Variants in OXR1 observed in about 807,000 individuals in gnomAD.
OXR1 encodes oxidation resistance 1, also known as oxidation resistance protein 1.
In OXR1, 41 loss-of-function variants were observed where a neutral mutation model predicts 104.6. The observed-to-expected ratio is 0.39, with a 90% CI of 0.31 to 0.51. The LOEUF (loss-of-function observed/expected upper bound fraction) is 0.51. Ranked by LOEUF, OXR1 falls within the 20% of genes least tolerant of loss-of-function variation. The probability of loss-of-function intolerance (pLI) is 0.77; values close to 1 mark genes in which losing one functional copy is unlikely to be tolerated. For missense variants in OXR1, 955 were observed against 1,031.9 expected (o/e 0.93, Z 1.02); for synonymous variants, 348 against 348.4 (o/e 1.00, Z 0.01).
In OXR1 at chr8:106,482,698, A is replaced by G. The variant is rs534812944; in HGVS notation, c.24-36245A>G. ...GAGCATCAGATATCCATAGACTTAA[A>G]TAACAGACAAAATACATCTCCTTCA... On this transcript the variant is annotated intron_variant, in intron 2 of 16. Coordinates refer to ENST00000517566, the MANE Select transcript of OXR1 (RefSeq NM_001198533.2). Among the ~76,000 whole-genome samples, 11 of 152,192 alleles carry G rather than the reference A, an allele frequency of 7.2e-5. No individual in the cohort carries two copies. In the South Asian group the frequency reaches 1.9e-3, roughly 26 times the overall value.
intron 2 of OXR1, among the ~76,000 whole-genome samples, chr8:106,417,478 G>A (rs541035292): frequency 1.7e-4 from 26 of 152,234 alleles, no homozygotes; most frequent in African/African-American, 6.0e-4. Flanking sequence ...GTGAGTTTGA[G>A]GAGATTCATT....
intron 2 of OXR1, among the ~76,000 whole-genome samples, chr8:106,505,809 A>G (rs1323007927): frequency 6.6e-6 from 1 of 152,220 alleles, no homozygotes; most frequent in African/African-American, 2.4e-5. Flanking sequence ...GGCACTATGG[A>G]CCATTGAAAG....
At chr8:106,429,717 T>C (rs569021028) in intron 2 of OXR1, among the ~76,000 whole-genome samples, 1 of 151,978 alleles carries the variant, frequency 6.6e-6, no homozygotes, top group South Asian at 2.1e-4. Flanking sequence ...GATATAAGAA[T>C]TCTCCCAGTT....
At chr8:106,475,454 C>A (rs1223011747) in intron 2 of OXR1, among the ~76,000 whole-genome samples, 1 of 151,674 alleles carries the variant, frequency 6.6e-6, no homozygotes, top group African/African-American at 2.4e-5. Flanking sequence ...CTGTCTCATG[C>A]GTGGCAGAGG....
chr8:106,282,548 A>C (rs950113075), intron 1 of OXR1, among the ~76,000 whole-genome samples: 1 of 152,196 alleles, frequency 6.6e-6, no homozygotes, highest in African/African-American at 2.4e-5. Flanking sequence ...TACCAATAAC[A>C]TGGCTATTGT....
intron 1 of OXR1, among the ~76,000 whole-genome samples, chr8:106,285,370 A>AT (rs1431075969): frequency 9.9e-5 from 15 of 152,194 alleles, no homozygotes; most frequent in Non-Finnish European, 1.5e-5. Context: ...GCTCTGCCTC[A>AT]TTTTTAGTGT....
intron 2 of OXR1, among the ~76,000 whole-genome samples, chr8:106,514,590 G>T (rs1322198133): frequency 1.3e-5 from 2 of 152,080 alleles, no homozygotes; most frequent in African/African-American, 4.8e-5. Context: ...CTGGAGCTCA[G>T]TGCCACGTCC....
Position 106,742,310 on chromosome 8 carries a change from A to C in OXR1, c.2405A>C (p.Glu802Ala), listed in dbSNP as rs1834987063. The C allele has an allele frequency of 3.1e-6, 5 of 1,591,774 alleles. No individual in the cohort carries two copies. The highest frequency in any genetic ancestry group is 3.4e-6 in the Non-Finnish European group (4 of 1,160,934). The stretch of plus-strand genomic sequence containing the variant: ...ACCTTTGTTTTTACATTCTGTCCGG[A>C]GTTTGAGGTAAGAACCACTATTTCA... ...GETFVFTFCP[E>A]FEVFKWTGDN... is the part of the protein sequence containing the mutation. Residue 802 changes from glutamate to alanine, a missense_variant, in exon 15 of 17, where the codon GAG becomes GCG. Glu to Ala is a moderately radical substitution (Grantham distance 107). This residue lies in a region of OXR1 where 106 missense variants were observed against 179.0 expected (regional missense o/e 0.59). Coordinates refer to ENST00000517566, the MANE Select transcript of OXR1 (RefSeq NM_001198533.2).
chr8:106,669,602 T>C (rs1472359071), intron 3 of OXR1, among the ~76,000 whole-genome samples: 1 of 152,180 alleles, frequency 6.6e-6, no homozygotes, highest in Non-Finnish European at 1.5e-5. Context: ...GTTTGAAGTT[T>C]TAGTATCTAT....
chr8:106,496,976 A>G (rs1670397), intron 2 of OXR1, among the ~76,000 whole-genome samples: 27,007 of 152,096 alleles, frequency 0.18, 2,905 homozygotes, highest in African/African-American at 0.29. Flanking sequence ...CTTTAGAGAT[A>G]CTTAAGATCC....
intron 9 of OXR1, chr8:106,707,445 TA>T (rs1167026771): frequency 5.5e-6 from 3 of 548,756 alleles, no homozygotes; most frequent in Non-Finnish European, 9.5e-6. Context: ...AAAAGCTGTA[TA>T]ATACCTTTGA....
rs559011036 is a variant in OXR1 at position 106,715,141 on chromosome 8, A to G, written c.1956+1156A>G. ...TTCCAAATAACAATAAAAAAGATCTACTGGTACAGGCAATGACATGGATGA... is the reference window on the plus strand; with the variant it reads ...TTCCAAATAACAATAAAAAAGATCTGCTGGTACAGGCAATGACATGGATGA... On this transcript the variant is annotated intron_variant, in intron 11 of 16. Coordinates refer to ENST00000517566, the MANE Select transcript of OXR1 (RefSeq NM_001198533.2). 5.9e-5 allele frequency among the ~76,000 whole-genome samples: 9 copies of G among 152,246 alleles called. No homozygotes were observed. The South Asian group carries it at 1.7e-3, about 28-fold the overall frequency.
chr8:106,331,935 C>CAA (rs3073753), intron 1 of OXR1, among the ~76,000 whole-genome samples: 43,908 of 139,180 alleles, frequency 0.32, 8,787 homozygotes, highest in African/African-American at 0.58. Context: ...GACTCTGTCT[C>CAA]AAAAAAAAAA....
At chr8:106,471,889 A>C (rs1821510110) in intron 2 of OXR1, among the ~76,000 whole-genome samples, 2 of 151,968 alleles carry the variant, frequency 1.3e-5, no homozygotes, top group East Asian at 3.9e-4. Flanking sequence ...TATGTCCTTT[A>C]CCCTGCTTCA....
At chr8:106,720,817 G>A (rs762853830) in intron 11 of OXR1, 24 of 360,336 alleles carry the variant, frequency 6.7e-5, no homozygotes, top group Non-Finnish European at 9.3e-5. Context: ...TAATATATTT[G>A]GCAAGTGCCT....
At chr8:106,634,739 A>G (rs1822990391) in intron 3 of OXR1, among the ~76,000 whole-genome samples, 1 of 152,146 alleles carries the variant, frequency 6.6e-6, no homozygotes, top group African/African-American at 2.4e-5. Context: ...AATTAAGGGT[A>G]ATAAAGGAGG....
intron 2 of OXR1, among the ~76,000 whole-genome samples, chr8:106,490,863 G>C (rs575859210): frequency 2.6e-5 from 4 of 152,130 alleles, no homozygotes; most frequent in Non-Finnish European, 1.5e-5. Context: ...TGTGTGGAGG[G>C]GGGAGCTGTA....
chr8:106,657,304 G>T (rs1185729934), intron 3 of OXR1, among the ~76,000 whole-genome samples: 22 of 132,292 alleles, frequency 1.7e-4, no homozygotes, highest in Non-Finnish European at 3.2e-4. Flanking sequence ...AGGTATCTCC[G>T]CCGTCCTTAA....
chr8:106,279,804 T>C (rs1184707571), intron 1 of OXR1, among the ~76,000 whole-genome samples: 2 of 152,212 alleles, frequency 1.3e-5, no homozygotes, highest in South Asian at 2.1e-4. Flanking sequence ...CTGACTTCAA[T>C]AGAAGTGTAT....
Sources: allele counts gnomAD v4.1 joint callset (sites outside exome capture counted in the v4.1 genomes callset), GRCh38; gene constraint gnomAD v4.1.1; regional missense constraint gnomAD v4.1.1; transcripts MANE v1.5; gene names NCBI Gene and HGNC (gene_info 2026-07-23, HGNC 2026-07-21).